The following FHIT variants were observed in gnomAD, a reference collection of about 807,000 sequenced individuals.
The protein encoded by FHIT is fragile histidine triad diadenosine triphosphatase.
A neutral mutation model predicts 17.9 loss-of-function variants in FHIT; 19 were observed. The ratio of observed to expected loss-of-function variants is 1.06; its 90% CI spans 0.74 to 1.56. The LOEUF (loss-of-function observed/expected upper bound fraction) is 1.56, where lower values mean the gene tolerates loss of function less well. Ranked by LOEUF, FHIT falls within the 40% of genes most tolerant of loss-of-function variation. The probability of loss-of-function intolerance (pLI) is 0.00; values close to 1 mark genes in which losing one functional copy is unlikely to be tolerated. For synonymous variants in FHIT, 81 were observed against 69.7 expected, an observed-to-expected ratio of 1.16 and a Z score of -0.81; for missense variants, 248 against 189.2, an observed-to-expected ratio of 1.31 and a Z score of -1.82.
At chr3:60,634,804 T>C (rs1180287787) in intron 4 of FHIT, among the ~76,000 whole-genome samples, 1 of 152,246 alleles carries the variant, frequency 6.6e-6, no homozygotes, top group Non-Finnish European at 1.5e-5. Context: ...GGCTTAGACA[T>C]GCATTTAAAA....
rs114098889 is a variant in FHIT, at chr3:60,229,065, C to T, written c.104-214913G>A. ...ACATATTAATAACCCAGCATATGTA[C>T]GAACTGCTTACTGACTTCTTACTAT... On this transcript the variant is annotated intron_variant, in intron 5 of 9. Transcript: ENST00000492590. 7.6e-3 allele frequency among the ~76,000 whole-genome samples: 1,150 copies of T among 152,234 alleles called. 6 individuals are homozygous for T. Among genetic ancestry groups the T allele is most frequent in the Middle Eastern group, 0.031 (9 of 294 alleles).
At chr3:61,036,901 G>GTTTTTTTTTTTTTTTTTTTTTTTTT (rs746649804) in intron 3 of FHIT, among the ~76,000 whole-genome samples, 10 of 70,312 alleles carry the variant, frequency 1.4e-4, no homozygotes, top group African/African-American at 3.2e-4. Flanking sequence ...AGTCTGCTTT[G>GTTTTTTTTTTTTTTTTTTTTTTTTT]TTTTTTTTTT....
At chr3:60,178,929 G>A (rs946161341) in intron 5 of FHIT, among the ~76,000 whole-genome samples, 1 of 151,990 alleles carries the variant, frequency 6.6e-6, no homozygotes, top group Admixed American at 6.6e-5. Context: ...TTTTCCCTTT[G>A]TTCTTTATAT....
chr3:60,315,090 T>C (rs550012622), intron 5 of FHIT, among the ~76,000 whole-genome samples: 2 of 152,238 alleles, frequency 1.3e-5, no homozygotes, highest in South Asian at 2.1e-4. Context: ...CAAGACAGCA[T>C]GTGGCGAGAG....
At chr3:60,461,536 T>C (rs913283496) in intron 5 of FHIT, among the ~76,000 whole-genome samples, 4 of 152,202 alleles carry the variant, frequency 2.6e-5, no homozygotes, top group African/African-American at 9.7e-5. Flanking sequence ...TTCAAAATCA[T>C]AGGCTATGCC....
intron 3 of FHIT, among the ~76,000 whole-genome samples, chr3:60,981,177 C>A (rs935914251): frequency 6.6e-6 from 1 of 152,234 alleles, no homozygotes; most frequent in Non-Finnish European, 1.5e-5. Flanking sequence ...GCAGATAATA[C>A]CCTTCTGCCC....
chr3:61,214,813 T>C (rs1435028151), intron 1 of FHIT, among the ~76,000 whole-genome samples: 1 of 152,216 alleles, frequency 6.6e-6, no homozygotes, highest in East Asian at 1.9e-4. Context: ...TCCACCATGA[T>C]CAAGTGGGCT....
chr3:59,756,145 G>C (rs914487892), intron 8 of FHIT, among the ~76,000 whole-genome samples: 1 of 152,120 alleles, frequency 6.6e-6, no homozygotes, highest in Non-Finnish European at 1.5e-5. Flanking sequence ...ATTCCACAGA[G>C]GTTGTTTCTA....
At chr3:60,536,726 G>A (rs374166180) in intron 5 of FHIT, 134 bp downstream of exon 5, 112 of 906,168 alleles carry the variant, frequency 1.2e-4, no homozygotes, top group African/African-American at 1.2e-3. Context: ...TGGTGTCTCC[G>A]AAGTGGGAGG....
chr3:60,720,165 T>G (rs1308408544), intron 4 of FHIT, among the ~76,000 whole-genome samples: 1 of 152,188 alleles, frequency 6.6e-6, no homozygotes, highest in Non-Finnish European at 1.5e-5. Context: ...TTCCACTCCT[T>G]GAACTAGCCA....
chr3:59,994,172 T>C (rs1272424895), intron 7 of FHIT, among the ~76,000 whole-genome samples: 2 of 152,074 alleles, frequency 1.3e-5, no homozygotes, highest in African/African-American at 2.4e-5. Context: ...ACTCCCAGAA[T>C]ACTGCCTTAC....
chr3:60,103,522 A>C (rs1388851063), intron 5 of FHIT, among the ~76,000 whole-genome samples: 1 of 152,188 alleles, frequency 6.6e-6, no homozygotes, highest in East Asian at 1.9e-4. Flanking sequence ...TTTCTATGGG[A>C]GTGACCAGGA....
chr3:59,971,212 G>A (rs974758330), intron 7 of FHIT, among the ~76,000 whole-genome samples: 3 of 152,232 alleles, frequency 2.0e-5, no homozygotes, highest in African/African-American at 7.2e-5. Context: ...AGTCCTATTT[G>A]AAAGTAGTCG....
At chr3:59,875,231 C>T (rs1703099236) in intron 8 of FHIT, among the ~76,000 whole-genome samples, 1 of 151,898 alleles carries the variant, frequency 6.6e-6, no homozygotes, top group Non-Finnish European at 1.5e-5. Context: ...TTGTCACTGT[C>T]ACCAAAGCCT....
chr3:60,121,158 A>G (rs1254025505), intron 5 of FHIT, among the ~76,000 whole-genome samples: 1 of 152,134 alleles, frequency 6.6e-6, no homozygotes, highest in Non-Finnish European at 1.5e-5. Context: ...TACCCCTATA[A>G]TGGTTCACTA....
intron 7 of FHIT, among the ~76,000 whole-genome samples, chr3:59,968,127 ATC>A: frequency 6.6e-6 from 1 of 152,252 alleles, no homozygotes; most frequent in Admixed American, 6.5e-5. Flanking sequence ...ACTATCACCT[ATC>A]TTTTTAGGGA....
chr3:60,616,533 T>C (rs782754680), intron 4 of FHIT, among the ~76,000 whole-genome samples: 2 of 152,194 alleles, frequency 1.3e-5, no homozygotes, highest in Non-Finnish European at 2.9e-5. Context: ...TGTCTTCTTA[T>C]TGCTAGCAAT....
At chr3:60,614,811 TTTTTTTTTG>T (rs1367734074) in intron 4 of FHIT, among the ~76,000 whole-genome samples, 2 of 74,332 alleles carry the variant, frequency 2.7e-5, no homozygotes, top group African/African-American at 9.5e-5. Context: ...CAAAAGTTGT[TTTTTTTTTG>T]TTTTTTTTTT....
At chr3:61,110,172 G>C (rs961629863) in intron 2 of FHIT, among the ~76,000 whole-genome samples, 4 of 152,072 alleles carry the variant, frequency 2.6e-5, no homozygotes, top group Non-Finnish European at 5.9e-5. Context: ...TCACGCTCTT[G>C]TTCCCAACTG....
Sources: gnomAD v4.1 joint callset for allele counts (sites outside exome capture counted in the v4.1 genomes callset) on GRCh38, gnomAD v4.1.1 for gene constraint, MANE v1.5 for transcripts, NCBI Gene and HGNC (gene_info 2026-07-23, HGNC 2026-07-21) for gene names.